CTSH: variants seen among roughly 807,000 people sequenced by gnomAD.
CTSH encodes the protein pro-cathepsin H.
In CTSH, 52 loss-of-function variants were observed where a neutral mutation model predicts 56.3. That is an observed-to-expected ratio of 0.92 (90% CI 0.74 to 1.16). The LOEUF (loss-of-function observed/expected upper bound fraction) is 1.16. Ranked by LOEUF, CTSH falls within the 50% of genes most tolerant of loss-of-function variation. CTSH has a pLI of 0.00. For synonymous variants in CTSH, 174 were observed against 155.7 expected (o/e 1.12, Z -0.88); for missense variants, 406 against 424.5 (o/e 0.96, Z 0.38).
At chr15:78,927,927 T>C in intron 8 of CTSH, 146 bp from the exon 9 acceptor site, 1 of 694,412 alleles carries the variant, frequency 1.4e-6, no homozygotes, top group Non-Finnish European at 2.5e-6. Context: ...AAAGCATCCT[T>C]GTCCTCAAGG....
At chr15:78,923,965 A>G (rs1012801428) in intron 10 of CTSH, among the ~76,000 whole-genome samples, 8 of 152,082 alleles carry the variant, frequency 5.3e-5, no homozygotes, top group Non-Finnish European at 1.0e-4. Flanking sequence ...GGCAGCATGC[A>G]TAACTGTCCC....
At chr15:78,926,857 T>C (rs2054915063) in intron 9 of CTSH, 1 of 152,270 alleles carries the variant, frequency 6.6e-6, no homozygotes, top group Admixed American at 6.5e-5. Context: ...GTATTGAGGG[T>C]TGGTACAGCA....
intron 8 of CTSH, 131 bp from the exon 9 acceptor site, chr15:78,927,912 G>T (rs2054948560): frequency 6.8e-6 from 5 of 736,224 alleles, no homozygotes; most frequent in Non-Finnish European, 1.2e-5. Context: ...ATTTCAGAGA[G>T]AATTAAAGCA....
At position 78,931,454 on chromosome 15, in the gene CTSH, T is replaced by TG. The variant is rs1167282554; in HGVS notation, c.544dup (p.Gln182ProfsTer21). ...CCCCTTCTGGTCAGAGACGTACCCTTGGCAGCCGTGATTATTGAAGTCCTG... is the reference window on the plus strand; with the variant it reads ...CCCCTTCTGGTCAGAGACGTACCCTTGGGCAGCCGTGATTATTGAAGTCCTG... On this transcript the variant is annotated frameshift_variant, in exon 7 of 12. Coordinates refer to ENST00000220166, the MANE Select transcript of CTSH (RefSeq NM_004390.5). LOFTEE classifies it high-confidence loss of function. 6.2e-7 allele frequency: 1 copy of TG among 1,614,204 alleles called. No individual in the cohort carries two copies. Among genetic ancestry groups the TG allele is most frequent in the African/African-American group, 1.3e-5 (1 of 75,050 alleles).
chr15:78,921,873 C>G lies in CTSH; in HGVS notation c.*257G>C. On this transcript the variant is annotated 3_prime_UTR_variant, in exon 12 of 12. Coordinates refer to ENST00000220166, the MANE Select transcript of CTSH (RefSeq NM_004390.5). ...AGCCCTTCTGGACAGAAAGAATATT[C>G]GTGGTCCATGTGGTTTGAGTCTGTT... 1.9e-6 allele frequency: 1 copy of G among 512,894 alleles called. No homozygotes were observed. The highest frequency in any genetic ancestry group is 3.5e-6 in the Non-Finnish European group (1 of 287,114). 31.8% of individuals were successfully genotyped at this position (512,894 alleles called of 1,614,324 possible).
At position 78,941,475 on chromosome 15, in the gene CTSH, C is replaced by CCATACAT. The variant is rs1037325179; in HGVS notation, c.92-2311_92-2305dup. Among the ~76,000 whole-genome samples the CCATACAT allele has an allele frequency of 3.1e-4, 45 of 145,616 alleles. 1 individual carries two copies. In the East Asian group the frequency reaches 9.0e-3, roughly 29 times the overall value. On this transcript the variant is annotated intron_variant, in intron 1 of 11. Coordinates refer to ENST00000220166, the MANE Select transcript of CTSH (RefSeq NM_004390.5). ...ATTAAATGTTTTTACTACCTGTGAC[C>CCATACAT]CATACATCTGTGAATATTATAAAAA... is the stretch of plus-strand genomic sequence containing the variant.
Position 78,925,338 on chromosome 15 carries a change from A to G in CTSH, c.802T>C (p.Ser268Pro). 1 of 1,604,918 alleles carries G rather than the reference A, an allele frequency of 6.2e-7. No homozygotes were observed. The highest frequency in any genetic ancestry group is 1.1e-5 in the South Asian group (1 of 90,872). Residue 268 changes from serine (S) to proline (P), a missense_variant, in exon 10 of 12, where the codon TCC becomes CCC. Physicochemically the swap from Ser to Pro is moderately conservative, Grantham distance 74. Coordinates refer to ENST00000220166, the MANE Select transcript of CTSH (RefSeq NM_004390.5). ...GCTCCTGGGACCCTGACTCACCTGG[A>G]GTAGATGCCGGTTCTATACATCATG... ...DFMMYRTGIY[S>P]STSCHKTPDK...
At chr15:78,934,852 C>G in intron 5 of CTSH, 126 bp downstream of exon 5, 2 of 735,582 alleles carry the variant, frequency 2.7e-6, no homozygotes, top group Non-Finnish European at 5.0e-6. Flanking sequence ...TGGAGAGATG[C>G]CGAGAGGAAA....
intron 3 of CTSH, among the ~76,000 whole-genome samples, chr15:78,936,816 A>G (rs557823203): frequency 2.6e-5 from 4 of 152,012 alleles, no homozygotes; most frequent in Non-Finnish European, 4.4e-5. Flanking sequence ...TTTAGTAGAG[A>G]TGGGGTTTCT....
intron 7 of CTSH, among the ~76,000 whole-genome samples, 195 bp from the exon 8 acceptor site, chr15:78,929,688 C>T (rs2141531405): frequency 6.6e-6 from 1 of 152,260 alleles, no homozygotes; most frequent in Non-Finnish European, 1.5e-5. Flanking sequence ...CACCGGAGTC[C>T]AAGGACCAGC....
chr15:78,935,895 A>G (rs2055164328), intron 3 of CTSH, 145 bp from the exon 4 acceptor site: 5 of 604,448 alleles, frequency 8.3e-6, no homozygotes. Context: ...TGTATTTAAT[A>G]TAATTCAGTA....
intron 5 of CTSH, chr15:78,933,406 T>C (rs148908622): frequency 2.7e-4 from 94 of 344,102 alleles, no homozygotes; most frequent in African/African-American, 1.6e-3. Flanking sequence ...AGGATTTCTC[T>C]CAGGTTCATC....
In CTSH at chr15:78,927,818, G is replaced by A. The variant is rs753170925; in HGVS notation, c.631-37C>T. 3.0e-5 allele frequency: 48 copies of A among 1,578,540 alleles called. 1 individual carries two copies. Among genetic ancestry groups the A allele is most frequent in the Non-Finnish European group, 3.0e-5 (34 of 1,147,774 alleles). ...GCAAAGGGCATGAAATACAGGTTAT[G>A]GACCCGAAGTCTCAGCCTCCCCACG... On this transcript the variant is annotated intron_variant, in intron 8 of 11. Coordinates refer to ENST00000220166, the MANE Select transcript of CTSH (RefSeq NM_004390.5).
intron 4 of CTSH, among the ~76,000 whole-genome samples, chr15:78,935,429 A>G (rs2055155185): frequency 6.6e-6 from 1 of 152,248 alleles, no homozygotes; most frequent in African/African-American, 2.4e-5. Flanking sequence ...TGTATCTGAA[A>G]TTCATTTTTA....
chr15:78,941,446 A>T (rs1355154951), intron 1 of CTSH, among the ~76,000 whole-genome samples: 2 of 148,026 alleles, frequency 1.4e-5, no homozygotes, highest in Non-Finnish European at 3.0e-5. Flanking sequence ...AAAAAAAAAA[A>T]AAAATTAAAT....
chr15:78,928,196 A>G (rs1429209724), intron 8 of CTSH, among the ~76,000 whole-genome samples: 2 of 152,122 alleles, frequency 1.3e-5, no homozygotes, highest in Admixed American at 6.6e-5. Context: ...AGGCAGCAGG[A>G]CAAGGGACAG....
In CTSH at chr15:78,921,148, T is replaced by C. The variant is rs1173826185; in HGVS notation, c.*982A>G. The C allele has an allele frequency of 6.6e-6, 1 of 152,238 alleles. No individual in the cohort carries two copies. Among genetic ancestry groups the C allele is most frequent in the East Asian group, 1.9e-4 (1 of 5,204 alleles). The allele number at this position is 152,238 out of a possible 1,614,324, so 9.4% of individuals were successfully genotyped here. A position where few individuals can be genotyped will look rare whatever the true frequency, so the allele number is the denominator to read the frequency against. On this transcript the variant is annotated 3_prime_UTR_variant, in exon 12 of 12. Transcript: ENST00000220166. ...TCAAATATTCTCAAGCCTTTAGCTT[T>C]TCAGGAAGCCCAAATAAGATGACAG... is the stretch of plus-strand genomic sequence containing the variant.
chr15:78,937,325 T>C lies in CTSH; in HGVS notation c.222A>G (p.Thr74=). 1 of 1,613,518 alleles carries C rather than the reference T, an allele frequency of 6.2e-7. No homozygotes were observed. Among genetic ancestry groups the C allele is most frequent in the Non-Finnish European group, 8.5e-7 (1 of 1,179,560 alleles). The change falls in exon 3 of 12, where the codon ACA becomes ACG. Residue 74 remains threonine (T), a synonymous_variant. Coordinates refer to ENST00000220166, the MANE Select transcript of CTSH (RefSeq NM_004390.5). ...GGAAGGCGTTCCACGTACTTTTAAA[T>C]GTGTGGTTCCCATTGTTGTGGGCGT... The part of the protein sequence containing the change: ...KINAHNNGNH[T]FKMALNQFSD...
At chr15:78,929,367 G>A in intron 8 of CTSH, 45 bp downstream of exon 8, 1 of 1,448,672 alleles carries the variant, frequency 6.9e-7, no homozygotes, top group Middle Eastern at 1.7e-4. Flanking sequence ...GTGAAGCTAG[G>A]CATGCTGTAC....
Sources: allele counts gnomAD v4.1 joint callset (sites outside exome capture counted in the v4.1 genomes callset), GRCh38; gene constraint gnomAD v4.1.1; transcripts MANE v1.5; gene names NCBI Gene and HGNC (gene_info 2026-07-23, HGNC 2026-07-21).